Variants in LGR4 observed in about 807,000 individuals in gnomAD.
LGR4 encodes the protein leucine rich repeat containing G protein-coupled receptor 4.
LGR4 carries 44 observed loss-of-function variants against 84.8 expected under a neutral mutation model. The observed-to-expected ratio is 0.52, with a 90% CI of 0.41 to 0.67. The LOEUF (loss-of-function observed/expected upper bound fraction) is 0.67, where lower values mean the gene tolerates loss of function less well. LGR4 is among the 30% of genes least tolerant of loss of function. The pLI is 0.00. For missense variants in LGR4, 1,032 were observed against 1,131.4 expected (o/e 0.91, Z 1.26); for synonymous variants, 429 against 434.3 (o/e 0.99, Z 0.15).
chr11:27,453,950 G>A (rs1323366167), intron 1 of LGR4, among the ~76,000 whole-genome samples: 1 of 152,120 alleles, frequency 6.6e-6, no homozygotes, highest in African/African-American at 2.4e-5. Flanking sequence ...TTTAGTAAGA[G>A]CCAACCAGCA....
intron 2 of LGR4, among the ~76,000 whole-genome samples, chr11:27,395,826 C>A (rs1863380940): frequency 6.6e-6 from 1 of 152,148 alleles, no homozygotes; most frequent in Non-Finnish European, 1.5e-5. Context: ...GTAATTGCAC[C>A]CGCCAGAAGC....
intron 1 of LGR4, among the ~76,000 whole-genome samples, chr11:27,437,436 G>A (rs980275683): frequency 1.3e-5 from 2 of 151,922 alleles, no homozygotes; most frequent in African/African-American, 2.4e-5. Flanking sequence ...TAAAACCAAC[G>A]TACCTCCATA....
chr11:27,385,751 T>C (rs943402288), intron 4 of LGR4, among the ~76,000 whole-genome samples: 1 of 152,032 alleles, frequency 6.6e-6, no homozygotes, highest in Admixed American at 6.5e-5. Flanking sequence ...GAAAGATATA[T>C]TTTTTAAAAA....
chr11:27,393,123 AG>A (rs933505923), intron 2 of LGR4, among the ~76,000 whole-genome samples: 6 of 152,222 alleles, frequency 3.9e-5, no homozygotes, highest in African/African-American at 1.4e-4. Flanking sequence ...AAGTAGAATA[AG>A]GAAAGGATAA....
At chr11:27,401,843 G>A (rs1346321528) in intron 2 of LGR4, among the ~76,000 whole-genome samples, 1 of 152,306 alleles carries the variant, frequency 6.6e-6, no homozygotes, top group East Asian at 1.9e-4. Context: ...CTTCCTTAGA[G>A]AAAAGTCAAT....
At chr11:27,386,918 T>C (rs1194212499) in intron 4 of LGR4, among the ~76,000 whole-genome samples, 2 of 152,182 alleles carry the variant, frequency 1.3e-5, no homozygotes, top group African/African-American at 2.4e-5. Context: ...CAGGCAACTT[T>C]TACATAACAG....
intron 1 of LGR4, 101 bp downstream of exon 1, chr11:27,472,017 G>A: frequency 1.2e-6 from 1 of 866,390 alleles, no homozygotes; most frequent in Non-Finnish European, 1.5e-6. Flanking sequence ...GGCGGCGGCG[G>A]GGCGGGGTGG....
chr11:27,387,311 G>A (rs1400636251), intron 4 of LGR4, among the ~76,000 whole-genome samples: 1 of 152,002 alleles, frequency 6.6e-6, no homozygotes, highest in African/African-American at 2.4e-5. Context: ...CAATAAACAC[G>A]TTACAAAATG....
intron 1 of LGR4, among the ~76,000 whole-genome samples, chr11:27,453,143 A>C (rs1196146134): frequency 2.0e-5 from 3 of 151,888 alleles, no homozygotes. Context: ...ATCTCAGCTC[A>C]CCACAACCTC....
chr11:27,427,357 C>G (rs1015963801), intron 1 of LGR4, among the ~76,000 whole-genome samples: 1 of 152,006 alleles, frequency 6.6e-6, no homozygotes, highest in African/African-American at 2.4e-5. Flanking sequence ...GAAGGGCCTC[C>G]GAAACGAAAG....
intron 7 of LGR4, 112 bp downstream of exon 7, chr11:27,382,076 A>C: frequency 1.4e-6 from 1 of 702,758 alleles, no homozygotes; most frequent in Non-Finnish European, 2.5e-6. Flanking sequence ...GTTTGTGTGC[A>C]TGTATTATGG....
In LGR4 at chr11:27,408,271, G is replaced by A. The variant is rs533805909; in HGVS notation, c.257+4518C>T. Among the ~76,000 whole-genome samples, 26 of 152,202 alleles carry A rather than the reference G, an allele frequency of 1.7e-4. No homozygotes were observed. The South Asian group carries it at 5.0e-3, about 29-fold the overall frequency. On this transcript the variant is annotated intron_variant, in intron 2 of 17. Transcript: ENST00000379214. ...TCCATTTAGAATTAACTGTCCTACA[G>A]ATGAAACAAAATGACAGGTAATCTT... is the stretch of plus-strand genomic sequence containing the variant.
intron 4 of LGR4, among the ~76,000 whole-genome samples, chr11:27,388,212 A>C (rs1863220686): frequency 6.6e-6 from 1 of 152,182 alleles, no homozygotes; most frequent in Non-Finnish European, 1.5e-5. Flanking sequence ...GTTAATCCTT[A>C]TCTCTCAATT....
chr11:27,395,857 T>A (rs1863381683), intron 2 of LGR4, among the ~76,000 whole-genome samples: 1 of 152,214 alleles, frequency 6.6e-6, no homozygotes. Context: ...TTGCTTATTT[T>A]ATGAGCTAGT....
intron 4 of LGR4, 78 bp downstream of exon 4, chr11:27,391,016 C>G (rs1863274346): frequency 2.4e-6 from 2 of 841,954 alleles, no homozygotes; most frequent in Non-Finnish European, 3.9e-6. Context: ...TCTCCTCTTT[C>G]CTTACAATTC....
At chr11:27,444,186 G>A (rs1864349385) in intron 1 of LGR4, among the ~76,000 whole-genome samples, 1 of 152,010 alleles carries the variant, frequency 6.6e-6, no homozygotes, top group South Asian at 2.1e-4. Context: ...AAATTTTAGA[G>A]CTTAAATATT....
Position 27,450,345 on chromosome 11 carries a change from T to A in LGR4, c.185+21773A>T, listed in dbSNP as rs138340197. Among the ~76,000 whole-genome samples the A allele has an allele frequency of 4.2e-3, 638 of 152,328 alleles. 1 individual carries two copies. Among genetic ancestry groups the A allele is most frequent in the Middle Eastern group, 0.01 (3 of 294 alleles). ...GGTACAATTAATACTTTTCAACTCCTCCTGGCAGAATACTTTCCTTCCGGC... is the reference window on the plus strand; with the variant it reads ...GGTACAATTAATACTTTTCAACTCCACCTGGCAGAATACTTTCCTTCCGGC... On this transcript the variant is annotated intron_variant, in intron 1 of 17. Transcript: ENST00000379214.
intron 1 of LGR4, among the ~76,000 whole-genome samples, chr11:27,442,939 T>A (rs1455133644): frequency 6.6e-6 from 1 of 152,230 alleles, no homozygotes; most frequent in African/African-American, 2.4e-5. Flanking sequence ...TTAGTATTCA[T>A]CAAATATTTC....
chr11:27,403,210 C>A (rs1287353071), intron 2 of LGR4, among the ~76,000 whole-genome samples: 1 of 152,188 alleles, frequency 6.6e-6, no homozygotes, highest in Non-Finnish European at 1.5e-5. Context: ...ATGGCTCATG[C>A]CTGTAGTCCC....
Sources: allele counts gnomAD v4.1 joint callset (sites outside exome capture counted in the v4.1 genomes callset), GRCh38; gene constraint gnomAD v4.1.1; transcripts MANE v1.5; gene names NCBI Gene and HGNC (gene_info 2026-07-23, HGNC 2026-07-21).